Variants in CCHCR1 observed in about 807,000 individuals in gnomAD.
CCHCR1 encodes the protein coiled-coil alpha-helical rod protein 1, also known as HCR (a-helix coiled-coil rod homologue).
In CCHCR1, 91 loss-of-function variants were observed where a neutral mutation model predicts 114.6. The observed-to-expected ratio is 0.79, with a 90% CI of 0.67 to 0.94. The LOEUF is 0.94. Among genes scored for constraint, CCHCR1 ranks in the 40% least tolerant of loss-of-function variants. The pLI is 0.00. For synonymous variants in CCHCR1, 379 were observed against 428.5 expected, an observed-to-expected ratio of 0.88 and a Z score of 1.43; for missense variants, 899 against 1,079.9, an observed-to-expected ratio of 0.83 and a Z score of 2.35.
At position 31,150,518 on chromosome 6, in the gene CCHCR1, C is replaced by T. The variant is rs1307359457; in HGVS notation, c.1149G>A (p.Leu383=). Residue 383 remains leucine (L), a synonymous_variant, in exon 7 of 18, where the codon CTG becomes CTA. Transcript: ENST00000396268. The surrounding 1 kb of genome is among the most constrained non-coding windows in gnomAD (Gnocchi z 5.3). ...GTGTGAGGCTCTGCACCCGCACCTG[C>T]AGCAGCTCCGCGGTGGCATGCAGGC... ...RDSLHATAEL[L]QVRVQSLTHI... 4 of 1,612,540 alleles carry T rather than the reference C, an allele frequency of 2.5e-6. No individual in the cohort carries two copies. Among genetic ancestry groups the T allele is most frequent in the Admixed American group, 1.7e-5 (1 of 59,982 alleles).
chr6:31,157,292 A>ACTAT (rs2151074293), intron 1 of CCHCR1, 93 bp downstream of exon 1: 1 of 1,223,498 alleles, frequency 8.2e-7, no homozygotes, highest in Admixed American at 1.8e-5. Context: ...AACCCAAGCA[A>ACTAT]CTATCAAGTG....
rs904563504 is a variant in CCHCR1, at chr6:31,144,097, A to T, written c.2167+590T>A. ...CAAAACATTAAATGATTACAACTTA[A>T]AGTGATTCAAAAGATGTACAAATAT... On this transcript the variant is annotated intron_variant, in intron 15 of 17. Transcript: ENST00000396268. The surrounding 1 kb of genome is among the most constrained non-coding windows in gnomAD (Gnocchi z 4.6). 1.3e-5 allele frequency among the ~76,000 whole-genome samples: 2 copies of T among 152,182 alleles called. No homozygotes were observed. The highest frequency in any genetic ancestry group is 4.8e-5 in the African/African-American group (2 of 41,448).
At chr6:31,149,759 T>A (rs979633360) in intron 8 of CCHCR1, 1 of 319,044 alleles carries the variant, frequency 3.1e-6, no homozygotes, top group Admixed American at 4.5e-5. Context: ...TCCCATCACT[T>A]TGGGAGGCTG....
chr6:31,147,830 AGTGGAGGACACTG>A (rs1774572052), intron 10 of CCHCR1, among the ~76,000 whole-genome samples: 1 of 151,968 alleles, frequency 6.6e-6, no homozygotes, highest in Non-Finnish European at 1.5e-5. Flanking sequence ...AGCCGGGTGT[AGTGGAGGACACTG>A]GTGGAGGATG....
chr6:31,156,750 C>T lies in CCHCR1; in HGVS notation c.478G>A (p.Glu160Lys). Residue 160 changes from glutamate to lysine, a missense_variant, in exon 3 of 18, where the codon GAG becomes AAG. Transcript: ENST00000396268. Reference protein sequence around the residue: ...WERDVSSDRQEPGRRGRSWGL... With the variant: ...WERDVSSDRQKPGRRGRSWGL... The stretch of plus-strand genomic sequence containing the variant: ...CCCTACCTGCCTCTCCGCCCTGGCT[C>T]CTGCCTGTCACTGGAAACATCCCGT... 2 of 1,612,574 alleles carry T rather than the reference C, an allele frequency of 1.2e-6. No homozygotes were observed. Among genetic ancestry groups the T allele is most frequent in the South Asian group, 1.1e-5 (1 of 91,022 alleles).
Position 31,150,675 on chromosome 6 carries a change from T to C in CCHCR1, c.1101+50A>G. On this transcript the variant is annotated intron_variant, in intron 6 of 17. Transcript: ENST00000396268. The surrounding 1 kb of genome is among the most constrained non-coding windows in gnomAD (Gnocchi z 5.3). ...CGCTCCTCCAAGGGCCACGCTTGCC[T>C]CCCAACCTGATCCCTAAGTCTGCAC... 2 of 1,603,284 alleles carry C rather than the reference T, an allele frequency of 1.2e-6. No homozygotes were observed. Among genetic ancestry groups the C allele is most frequent in the Non-Finnish European group, 1.7e-6 (2 of 1,174,374 alleles).
In CCHCR1 at chr6:31,151,264, T is replaced by A; in HGVS notation, c.802-142A>T. ...GCACAGCAAATGGAGAGCTGGCAAC[T>A]CACTCTCCGCAGCTGCCCCACAACC... On this transcript the variant is annotated intron_variant, in intron 4 of 17. Coordinates refer to ENST00000396268, the MANE Select transcript of CCHCR1 (RefSeq NM_001105564.2). The surrounding 1 kb of genome is among the most constrained non-coding windows in gnomAD (Gnocchi z 4.1). The A allele has an allele frequency of 1.2e-6, 1 of 848,688 alleles. No individual in the cohort carries two copies. The highest frequency in any genetic ancestry group is 1.8e-5 in the South Asian group (1 of 56,746). The allele number at this position is 848,688 out of a possible 1,614,324, so 52.6% of individuals were successfully genotyped here.
chr6:31,147,785 G>A (rs1774565828), intron 10 of CCHCR1, among the ~76,000 whole-genome samples: 1 of 152,094 alleles, frequency 6.6e-6, no homozygotes, highest in Non-Finnish European at 1.5e-5. Context: ...TGGCCAACAT[G>A]GTGAAACCCC....
At chr6:31,146,766 T>C (rs939794655) in intron 10 of CCHCR1, among the ~76,000 whole-genome samples, 2 of 152,144 alleles carry the variant, frequency 1.3e-5, no homozygotes, top group African/African-American at 4.8e-5. Flanking sequence ...TTTCGGCAAA[T>C]GCATCATTAC....
rs1052648171 is a variant in CCHCR1 at position 31,157,560 on chromosome 6, G to C, written c.41C>G (p.Thr14Ser). The change falls in exon 1 of 18, where the codon ACT becomes AGT. Residue 14 changes from threonine (T) to serine (S), a missense_variant. Coordinates refer to ENST00000396268, the MANE Select transcript of CCHCR1 (RefSeq NM_001105564.2). ...GACTCTTGGGTCCTTCCCTGTTAAAGTGCTGGCCCAAGGCCTGGCCCCAGC... is the reference window on the plus strand; with the variant it reads ...GACTCTTGGGTCCTTCCCTGTTAAACTGCTGGCCCAAGGCCTGGCCCCAGC... ...HSAGARPWAS[T>S]LTGKDPRVMA... is the part of the protein sequence containing the mutation. The C allele has an allele frequency of 2.4e-5, 38 of 1,612,742 alleles. No homozygotes were observed. The highest frequency in any genetic ancestry group is 3.1e-5 in the Non-Finnish European group (37 of 1,179,992).
In CCHCR1 at chr6:31,154,609, C is replaced by A; in HGVS notation, c.688G>T (p.Ala230Ser). ...ALARAEKAGRAEAEGLRAALA... is the reference protein window; with the variant it reads ...ALARAEKAGRSEAEGLRAALA... The stretch of plus-strand genomic sequence containing the variant: ...GCAGCACGCAGGCCCTCAGCCTCAG[C>A]TCGGCCGGCCTTCTCCGCCCGTGCC... Residue 230 changes from alanine (A) to serine (S), a missense_variant, in exon 4 of 18, where the codon GCT becomes TCT. By Grantham distance (99) the Ala-to-Ser change is moderately conservative. Transcript: ENST00000396268. The surrounding 1 kb of genome is among the most constrained non-coding windows in gnomAD (Gnocchi z 4.1). 1 of 1,613,042 alleles carries A rather than the reference C, an allele frequency of 6.2e-7. No homozygotes were observed. The highest frequency in any genetic ancestry group is 8.5e-7 in the Non-Finnish European group (1 of 1,180,046).
rs1774069168 is a variant in CCHCR1 at position 31,144,803 on chromosome 6, C to CA, written c.2066-16dup. ...TTCTTGCAGGGCTGGGGTGAAAGTG[C>CA]AGACGGGGCATATCAGCAGGAGCTT... On this transcript the variant is annotated splice_polypyrimidine_tract_variant and intron_variant, in intron 14 of 17. Coordinates refer to ENST00000396268, the MANE Select transcript of CCHCR1 (RefSeq NM_001105564.2). The surrounding 1 kb of genome is among the most constrained non-coding windows in gnomAD (Gnocchi z 4.6). 6.2e-7 allele frequency: 1 copy of CA among 1,612,446 alleles called. No homozygotes were observed.
chr6:31,153,202 G>A (rs932508155), intron 4 of CCHCR1, among the ~76,000 whole-genome samples: 2 of 151,756 alleles, frequency 1.3e-5, no homozygotes, highest in Non-Finnish European at 2.9e-5. Flanking sequence ...TTTAACTCCT[G>A]GCCTCAAGTG....
In CCHCR1 at chr6:31,157,555, T is replaced by C; in HGVS notation, c.46A>G (p.Thr16Ala). Residue 16 changes from threonine to alanine, a missense_variant, in exon 1 of 18, where the codon ACA (threonine) becomes GCA (alanine). Coordinates refer to ENST00000396268, the MANE Select transcript of CCHCR1 (RefSeq NM_001105564.2). ...GCCATGACTCTTGGGTCCTTCCCTG[T>C]TAAAGTGCTGGCCCAAGGCCTGGCC... ...AGARPWASTL[T>A]GKDPRVMACW... 1 of 1,612,916 alleles carries C rather than the reference T, an allele frequency of 6.2e-7. No homozygotes were observed. Among genetic ancestry groups the C allele is most frequent in the Non-Finnish European group, 8.5e-7 (1 of 1,179,986 alleles).
chr6:31,148,516 G>A lies in CCHCR1; in HGVS notation c.1474-5C>T. On this transcript the variant is annotated splice_polypyrimidine_tract_variant and splice_region_variant and intron_variant, in intron 9 of 17. Transcript: ENST00000396268. ...GCTCAGCTCCAACTGCAGGCCCTGG[G>A]GAGGATGCAGCAAAGGACAGGGTCC... is the stretch of plus-strand genomic sequence containing the variant. The A allele has an allele frequency of 6.2e-7, 1 of 1,609,306 alleles. No individual in the cohort carries two copies. Among genetic ancestry groups the A allele is most frequent in the Non-Finnish European group, 8.5e-7 (1 of 1,176,730 alleles).
At position 31,151,147 on chromosome 6, in the gene CCHCR1, C is replaced by G. The variant is rs1210953549; in HGVS notation, c.802-25G>C. 1 of 1,603,618 alleles carries G rather than the reference C, an allele frequency of 6.2e-7. No homozygotes were observed. Among genetic ancestry groups the G allele is most frequent in the Non-Finnish European group, 8.5e-7 (1 of 1,175,640 alleles). ...GCTGCGGAAAGAAGAGGGGGCTCAG[C>G]AGAGGCTCGACCCCACATGGAGGCC... On this transcript the variant is annotated intron_variant, in intron 4 of 17. Transcript: ENST00000396268. The surrounding 1 kb of genome is among the most constrained non-coding windows in gnomAD (Gnocchi z 4.1).
intron 8 of CCHCR1, chr6:31,149,735 G>T: frequency 4.3e-6 from 1 of 233,362 alleles, no homozygotes; most frequent in Non-Finnish European, 8.3e-6. Flanking sequence ...GGGCACGGTG[G>T]CTCACACCTG....
chr6:31,152,124 G>A (rs1463671350), intron 4 of CCHCR1, among the ~76,000 whole-genome samples: 5 of 151,904 alleles, frequency 3.3e-5, no homozygotes, highest in Admixed American at 3.3e-4. Context: ...GTGAAACCCC[G>A]TCTCTATTAA....
rs1292481843 is a variant in CCHCR1 at position 31,156,742 on chromosome 6, C to A, written c.486G>T (p.Gly162=). Residue 162 remains glycine (G), a synonymous_variant, in exon 3 of 18, where the codon GGG becomes GGT. Coordinates refer to ENST00000396268, the MANE Select transcript of CCHCR1 (RefSeq NM_001105564.2). ...GGATGGATCCCTACCTGCCTCTCCG[C>A]CCTGGCTCCTGCCTGTCACTGGAAA... ...RDVSSDRQEP[G]RRGRSWGLEG... The A allele has an allele frequency of 6.2e-7, 1 of 1,612,220 alleles. No homozygotes were observed. Among genetic ancestry groups the A allele is most frequent in the African/African-American group, 1.3e-5 (1 of 74,880 alleles).
Sources: allele counts gnomAD v4.1 joint callset (sites outside exome capture counted in the v4.1 genomes callset), GRCh38; gene constraint gnomAD v4.1.1; non-coding constraint Gnocchi (gnomAD v3.1); transcripts MANE v1.5; gene names NCBI Gene and HGNC (gene_info 2026-07-23, HGNC 2026-07-21).